The following OSBPL10 variants were observed in gnomAD, a reference collection of about 807,000 sequenced individuals.
The protein encoded by OSBPL10 is oxysterol-binding protein-related protein 10.
Under a neutral mutation model 81.7 loss-of-function variants are expected in OSBPL10, and 49 were observed. The observed-to-expected ratio is 0.60, with a 90% CI of 0.48 to 0.76. The LOEUF (loss-of-function observed/expected upper bound fraction) is 0.76. Ranked by LOEUF, OSBPL10 falls within the 30% of genes least tolerant of loss-of-function variation. The pLI is 0.00. For missense variants in OSBPL10, 923 were observed against 987.8 expected (o/e 0.93, Z 0.88); for synonymous variants, 419 against 383.6 (o/e 1.09, Z -1.08).
intron 3 of OSBPL10, among the ~76,000 whole-genome samples, chr3:31,875,082 T>TAAAAAAAAAAA (rs555527834): frequency 9.7e-6 from 1 of 103,058 alleles, no homozygotes; most frequent in South Asian, 3.1e-4. Context: ...ATATATTAAG[T>TAAAAAAAAAAA]AAAAAAAAAA....
At chr3:31,996,254 A>G (rs1385513512) in intron 2 of OSBPL10, among the ~76,000 whole-genome samples, 1 of 152,220 alleles carries the variant, frequency 6.6e-6, no homozygotes, top group Admixed American at 6.5e-5. Flanking sequence ...ATGTTCCTGT[A>G]AAGAGAAACT....
chr3:31,668,381 G>C (rs923931413), intron 10 of OSBPL10, among the ~76,000 whole-genome samples: 19 of 152,144 alleles, frequency 1.2e-4, no homozygotes, highest in Non-Finnish European at 2.2e-4. Context: ...GATCAGATGA[G>C]TTGACAAACT....
intron 1 of OSBPL10, among the ~76,000 whole-genome samples, chr3:32,075,584 C>A (rs1699867845): frequency 6.6e-6 from 1 of 152,152 alleles, no homozygotes; most frequent in East Asian, 1.9e-4. Flanking sequence ...CACAATATCA[C>A]CCCTCACCCC....
intron 3 of OSBPL10, among the ~76,000 whole-genome samples, chr3:31,840,085 C>T (rs1480639220): frequency 2.0e-5 from 3 of 151,530 alleles, no homozygotes; most frequent in Admixed American, 2.0e-4. Flanking sequence ...TCTCACGTCT[C>T]ATTGTAATCG....
intron 2 of OSBPL10, among the ~76,000 whole-genome samples, chr3:32,031,982 G>A (rs1374017493): frequency 1.3e-5 from 2 of 152,154 alleles, no homozygotes; most frequent in Non-Finnish European, 2.9e-5. Context: ...TTTAAGAATT[G>A]CTCCTTTGAA....
rs774338419 is a variant in OSBPL10 at position 31,830,141 on chromosome 3, C to T, written c.628G>A (p.Val210Met). 2.5e-6 allele frequency: 4 copies of T among 1,614,158 alleles called. No individual in the cohort carries two copies. In the Admixed American group the frequency reaches 6.7e-5, roughly 27 times the overall value. ...ASPCSQRHLS[V>M]GAPGVVTITH... ...ATTGTGACAACACCGGGGGCCCCCA[C>T]ACTGAGGTGTCTCTGGCTACAGGGA... The change falls in exon 4 of 12, where the codon GTG (valine) becomes ATG (methionine). Residue 210 changes from valine to methionine, a missense_variant. Physicochemically the swap from Val to Met is conservative, Grantham distance 21 (BLOSUM62 1). Transcript: ENST00000396556.
In OSBPL10 at chr3:31,683,781, T is replaced by G. The variant is rs750967141; in HGVS notation, c.1579A>C (p.Arg527=). ...TGGGACACTTGCTCAGCCACAAACC[T>G]TAGTTTGTAGCTTTTGGAAGGGTCA... ...ADDPSKSYKL[R]FVAEQVSHHP... is the part of the protein sequence containing the mutation. The change falls in exon 8 of 12, where the codon AGG becomes CGG. Residue 527 remains arginine, a synonymous_variant. Transcript: ENST00000396556. The G allele has an allele frequency of 1.2e-6, 2 of 1,614,128 alleles. No homozygotes were observed. The highest frequency in any genetic ancestry group is 2.2e-5 in the East Asian group (1 of 44,866).
chr3:31,906,303 A>G (rs535003283), intron 1 of OSBPL10, among the ~76,000 whole-genome samples: 2 of 152,276 alleles, frequency 1.3e-5, no homozygotes, highest in South Asian at 2.1e-4. Context: ...TTGGCCTCCT[A>G]CTGTTATTAT....
intron 4 of OSBPL10, among the ~76,000 whole-genome samples, chr3:31,791,619 G>A (rs1481962417): frequency 6.6e-6 from 1 of 151,866 alleles, no homozygotes; most frequent in Non-Finnish European, 1.5e-5. Flanking sequence ...ATGTAAGACA[G>A]CACACTAGTG....
At chr3:31,932,207 T>C (rs2125722755) in intron 1 of OSBPL10, among the ~76,000 whole-genome samples, 1 of 152,320 alleles carries the variant, frequency 6.6e-6, no homozygotes, top group Non-Finnish European at 1.5e-5. Flanking sequence ...CACTGTTATT[T>C]GCCAATGATA....
chr3:31,793,766 G>A (rs944994953), intron 4 of OSBPL10, among the ~76,000 whole-genome samples: 1 of 152,294 alleles, frequency 6.6e-6, no homozygotes, highest in Admixed American at 6.5e-5. Context: ...TTAAAAAGTG[G>A]TTTTTTGACT....
rs542759077 is a variant in OSBPL10 at position 31,706,606 on chromosome 3, G to A, written c.1096-4098C>T. Among the ~76,000 whole-genome samples, 108 of 152,238 alleles carry A rather than the reference G, an allele frequency of 7.1e-4. 2 individuals carry two copies. The South Asian group carries it at 0.022, about 31-fold the overall frequency. On this transcript the variant is annotated intron_variant, in intron 6 of 11. Transcript: ENST00000396556. ...GGCCAAAGCCAGGAGGCAAAACTGT[G>A]ACGTGTGTTAGGTTTGTGTGGGTCC...
chr3:31,872,181 A>C (rs1701345792), intron 3 of OSBPL10, among the ~76,000 whole-genome samples: 1 of 152,094 alleles, frequency 6.6e-6, no homozygotes, highest in South Asian at 2.1e-4. Context: ...GAAAAGGGAG[A>C]TTTTGTCTGT....
chr3:31,970,427 C>T, intron 1 of OSBPL10, among the ~76,000 whole-genome samples: 1 of 152,128 alleles, frequency 6.6e-6, no homozygotes, highest in East Asian at 1.9e-4. Context: ...TATATTCCAA[C>T]AGGAAAGGAA....
At chr3:32,071,197 T>A (rs940260563) in intron 1 of OSBPL10, among the ~76,000 whole-genome samples, 1 of 152,194 alleles carries the variant, frequency 6.6e-6, no homozygotes, top group Admixed American at 6.5e-5. Flanking sequence ...TAAAAACACA[T>A]GTGCTCTCCC....
intron 3 of OSBPL10, among the ~76,000 whole-genome samples, chr3:31,868,554 C>T (rs1460424944): frequency 6.6e-6 from 1 of 152,022 alleles, no homozygotes; most frequent in African/African-American, 2.4e-5. Context: ...TACTAAAGCC[C>T]AACTAGCATC....
chr3:31,929,648 T>C (rs1295164333), intron 1 of OSBPL10, among the ~76,000 whole-genome samples: 1 of 150,092 alleles, frequency 6.7e-6, no homozygotes, highest in Non-Finnish European at 1.5e-5. Context: ...CTTGGGAGGC[T>C]GAGGCAGGAG....
intron 6 of OSBPL10, among the ~76,000 whole-genome samples, chr3:31,714,262 G>T (rs1696361695): frequency 6.6e-6 from 1 of 152,184 alleles, no homozygotes; most frequent in Non-Finnish European, 1.5e-5. Flanking sequence ...CGCAGAGGAG[G>T]ATTACAATCA....
chr3:32,018,599 G>A (rs1208604522), intron 2 of OSBPL10, among the ~76,000 whole-genome samples: 1 of 152,144 alleles, frequency 6.6e-6, no homozygotes, highest in Non-Finnish European at 1.5e-5. Flanking sequence ...CCAGCTACTC[G>A]GGAGGCTGAG....
Sources: allele counts gnomAD v4.1 joint callset (sites outside exome capture counted in the v4.1 genomes callset), GRCh38; gene constraint gnomAD v4.1.1; transcripts MANE v1.5; gene names NCBI Gene and HGNC (gene_info 2026-07-23, HGNC 2026-07-21).